ACSM2A: variants seen among roughly 807,000 people sequenced by gnomAD.
The protein encoded by ACSM2A is acyl-coenzyme A synthetase ACSM2A, mitochondrial.
A neutral mutation model predicts 76.6 loss-of-function variants in ACSM2A; 72 were observed. The observed-to-expected ratio is 0.94, with a 90% CI of 0.78 to 1.14. The LOEUF (loss-of-function observed/expected upper bound fraction) is 1.14. Ranked by LOEUF, ACSM2A falls within the 50% of genes most tolerant of loss-of-function variation. The pLI, the probability that ACSM2A is intolerant of heterozygous loss-of-function variation, is 0.00. For missense variants in ACSM2A, 684 were observed against 708.5 expected (o/e 0.97, Z 0.39); for synonymous variants, 249 against 255.9 (o/e 0.97, Z 0.26).
Position 20,486,533 on chromosome 16 carries a change from G to A in ACSM2A, c.1630-41G>A, listed in dbSNP as rs375524090. ...GTTCTGAAAAATGCAACCCACTGTCGTCACAGATCACCCACCCTGGACTGA... is the reference window on the plus strand; with the variant it reads ...GTTCTGAAAAATGCAACCCACTGTCATCACAGATCACCCACCCTGGACTGA... On this transcript the variant is annotated intron_variant, in intron 13 of 13. Coordinates refer to ENST00000573854, the MANE Select transcript of ACSM2A (RefSeq NM_001308172.2). The A allele has an allele frequency of 1.6e-3, 2,576 of 1,608,220 alleles. 52 individuals are homozygous for A. The South Asian group carries it at 0.024, about 15-fold the overall frequency.
Position 20,451,535 on chromosome 16 carries a change from C to T in ACSM2A, c.-155C>T, listed in dbSNP as rs1303579322. 6.6e-6 allele frequency: 1 copy of T among 151,650 alleles called. No individual in the cohort carries two copies. The highest frequency in any genetic ancestry group is 1.5e-5 in the Non-Finnish European group (1 of 67,894). The allele number at this position is 151,650 out of a possible 1,614,324, so 9.4% of individuals were successfully genotyped here. A position where few individuals can be genotyped will look rare whatever the true frequency, so the allele number is the denominator to read the frequency against. ...TATCCACTGTCAATGATTAGCTGAG[C>T]TCTCTTTCTGACAGTGCAGGGATTC... is the stretch of plus-strand genomic sequence containing the variant. On this transcript the variant is annotated 5_prime_UTR_variant, in exon 1 of 14. Coordinates refer to ENST00000573854, the MANE Select transcript of ACSM2A (RefSeq NM_001308172.2).
At chr16:20,458,932 A>ATATATATATATATATATATATATATG (rs1491482058) in intron 1 of ACSM2A, among the ~76,000 whole-genome samples, 1 of 56,970 alleles carries the variant, frequency 1.8e-5, no homozygotes. Context: ...ATATATATAT[A>ATATATATATATATATATATATATATG]CATATATATA....
chr16:20,457,725 A>C (rs2012278920), intron 1 of ACSM2A, among the ~76,000 whole-genome samples: 1 of 152,090 alleles, frequency 6.6e-6, no homozygotes, highest in African/African-American at 2.4e-5. Flanking sequence ...AATGGGGAAA[A>C]GTTGAAAGCA....
chr16:20,481,621 G>T (rs371292972), intron 12 of ACSM2A: 1 of 147,194 alleles, frequency 6.8e-6, no homozygotes, highest in Admixed American at 6.8e-5. Context: ...ATGGGTAGAA[G>T]CATACAGTTA....
intron 3 of ACSM2A, among the ~76,000 whole-genome samples, chr16:20,466,630 TG>T (rs2013015399): frequency 6.6e-6 from 1 of 152,204 alleles, no homozygotes. Flanking sequence ...TTGGTTTGGC[TG>T]GGGATGAAAA....
chr16:20,478,441 C>T (rs2013881393), intron 9 of ACSM2A, 135 bp from the exon 10 acceptor site: 6 of 998,092 alleles, frequency 6.0e-6, no homozygotes, highest in South Asian at 4.1e-5. Context: ...TTGGGTTCCC[C>T]TGGCTTCTGG....
intron 9 of ACSM2A, among the ~76,000 whole-genome samples, chr16:20,478,056 T>G (rs530450080): frequency 6.6e-6 from 1 of 152,210 alleles, no homozygotes; most frequent in African/African-American, 2.4e-5. Flanking sequence ...CTCTATTCAG[T>G]GTCATATCCA....
chr16:20,480,163 C>T (rs573958541), intron 10 of ACSM2A, among the ~76,000 whole-genome samples: 1 of 152,192 alleles, frequency 6.6e-6, no homozygotes, highest in Non-Finnish European at 1.5e-5. Flanking sequence ...TGGCTAATGT[C>T]TCTAGAACTT....
At chr16:20,458,406 A>G (rs1051765355) in intron 1 of ACSM2A, among the ~76,000 whole-genome samples, 4 of 145,244 alleles carry the variant, frequency 2.8e-5, no homozygotes, top group East Asian at 4.0e-4. Flanking sequence ...ATCTCCATAT[A>G]TACTATATAT....
chr16:20,481,023 C>T, intron 12 of ACSM2A, 102 bp downstream of exon 12: 5 of 1,387,656 alleles, frequency 3.6e-6, no homozygotes, highest in Non-Finnish European at 4.9e-6. Flanking sequence ...CACTCTGAGA[C>T]CCAATCTTGG....
chr16:20,466,755 G>A (rs2013023698), intron 3 of ACSM2A, among the ~76,000 whole-genome samples: 1 of 152,224 alleles, frequency 6.6e-6, no homozygotes, highest in South Asian at 2.1e-4. Context: ...TGGTCCATCA[G>A]AATGCAAGGT....
chr16:20,477,936 G>A (rs2013846666), intron 9 of ACSM2A, among the ~76,000 whole-genome samples: 1 of 152,138 alleles, frequency 6.6e-6, no homozygotes, highest in Admixed American at 6.5e-5. Context: ...TAATGAATGT[G>A]TAGTAGCTAA....
chr16:20,465,753 G>A (rs2012955974), intron 3 of ACSM2A, 26 bp downstream of exon 3: 2 of 1,607,246 alleles, frequency 1.2e-6, no homozygotes, highest in Non-Finnish European at 8.5e-7. Context: ...CCTGGACAGA[G>A]AACTGTCTTC....
At chr16:20,470,559 A>G (rs2013321306) in intron 4 of ACSM2A, among the ~76,000 whole-genome samples, 1 of 152,176 alleles carries the variant, frequency 6.6e-6, no homozygotes, top group African/African-American at 2.4e-5. Flanking sequence ...AAACACCATC[A>G]TGCCTGCTTT....
chr16:20,463,571 C>T (rs1015640588), intron 2 of ACSM2A, among the ~76,000 whole-genome samples: 4 of 152,058 alleles, frequency 2.6e-5, no homozygotes, highest in African/African-American at 9.7e-5. Context: ...ACCTGCTCCC[C>T]CTTCACCTTC....
chr16:20,457,011 G>C (rs1360970085), intron 1 of ACSM2A, among the ~76,000 whole-genome samples: 1 of 151,698 alleles, frequency 6.6e-6, no homozygotes, highest in Non-Finnish European at 1.5e-5. Context: ...GATCATTCAA[G>C]GCACTACAAA....
At position 20,480,828 on chromosome 16, in the gene ACSM2A, G is replaced by C; in HGVS notation, c.1416G>C (p.Arg472=). ...AGGACAGGTTCTTCTGCAGGTACCG[G>C]ATTGGACCCTCGGAGGTAGAGAATG... ...ANDIINSSGY[R]IGPSEVENAL... is the part of the protein sequence containing the mutation. Residue 472 remains arginine, a synonymous_variant, in exon 12 of 14, where the codon CGG becomes CGC. Coordinates refer to ENST00000573854, the MANE Select transcript of ACSM2A (RefSeq NM_001308172.2). 1 of 1,613,958 alleles carries C rather than the reference G, an allele frequency of 6.2e-7. No individual in the cohort carries two copies. Among genetic ancestry groups the C allele is most frequent in the Non-Finnish European group, 8.5e-7 (1 of 1,179,876 alleles).
intron 2 of ACSM2A, among the ~76,000 whole-genome samples, chr16:20,464,711 C>T (rs759166136): frequency 3.2e-4 from 48 of 151,992 alleles, no homozygotes; most frequent in Non-Finnish European, 6.0e-4. Flanking sequence ...AATATTCAGA[C>T]AATATCATGT....
At chr16:20,476,659 G>T in intron 8 of ACSM2A, 1 of 986,780 alleles carries the variant, frequency 1.0e-6, no homozygotes. Flanking sequence ...TCTCTTCTGA[G>T]GTGGGTGGAT....
Sources: allele counts gnomAD v4.1 joint callset (sites outside exome capture counted in the v4.1 genomes callset), GRCh38; gene constraint gnomAD v4.1.1; transcripts MANE v1.5; gene names NCBI Gene and HGNC (gene_info 2026-07-23, HGNC 2026-07-21).